POLE2: variants seen among roughly 807,000 people sequenced by gnomAD.
POLE2 encodes the protein DNA polymerase epsilon subunit 2.
POLE2 carries 56 observed loss-of-function variants against 79.4 expected under a neutral mutation model. That is an observed-to-expected ratio of 0.71 (90% confidence interval 0.57 to 0.88). POLE2 has a LOEUF of 0.88. Ranked by LOEUF, POLE2 falls within the 40% of genes least tolerant of loss-of-function variation. POLE2 has a pLI of 0.00. For synonymous variants in POLE2, 212 were observed against 214.0 expected (o/e 0.99, Z 0.08); for missense variants, 598 against 638.9 (o/e 0.94, Z 0.69).
In POLE2 at chr14:49,645,043, C is replaced by CAAAAAAAAAAAAAAAAAAAAAAA. The variant is rs527251561; in HGVS notation, c.1566-1374_1566-1373insTTTTTTTTTTTTTTTTTTTTTTT. ...GGCAACAGAGCAAAACTCCGTCTCA[C>CAAAAAAAAAAAAAAAAAAAAAAA]AAAAAAAAAAAAAAACACTGCAGTA... On this transcript the variant is annotated intron_variant, in intron 18 of 18. Transcript: ENST00000216367. Among the ~76,000 whole-genome samples, 12 of 88,296 alleles carry CAAAAAAAAAAAAAAAAAAAAAAA rather than the reference C, an allele frequency of 1.4e-4. 1 individual carries two copies. Among genetic ancestry groups the CAAAAAAAAAAAAAAAAAAAAAAA allele is most frequent in the Non-Finnish European group, 2.2e-4 (9 of 41,608 alleles). 57.9% of individuals were successfully genotyped at this position (88,296 alleles called of 152,430 possible).
chr14:49,664,387 C>T (rs1166620086), intron 9 of POLE2, among the ~76,000 whole-genome samples: 10 of 150,826 alleles, frequency 6.6e-5, no homozygotes, highest in Non-Finnish European at 1.3e-4. Context: ...GTGTGTAATT[C>T]GGTGATTTTT....
At chr14:49,654,363 G>C (rs1319039550) in intron 13 of POLE2, 149 bp from the exon 14 acceptor site, 1 of 634,166 alleles carries the variant, frequency 1.6e-6, no homozygotes, top group East Asian at 2.8e-5. Context: ...TAAGTCTCCA[G>C]ACCAACACTG....
intron 1 of POLE2, among the ~76,000 whole-genome samples, chr14:49,687,212 T>C (rs1001602859): frequency 4.0e-5 from 6 of 149,338 alleles, no homozygotes; most frequent in African/African-American, 1.5e-4. Flanking sequence ...CTGCAGTAAG[T>C]CAAGTTCGCA....
intron 2 of POLE2, among the ~76,000 whole-genome samples, chr14:49,682,725 A>G (rs1201242954): frequency 1.3e-5 from 2 of 148,708 alleles, no homozygotes; most frequent in Non-Finnish European, 3.0e-5. Context: ...TAGTGTATTC[A>G]TTATCAGTGC....
chr14:49,681,310 T>C, intron 2 of POLE2: 1 of 216,572 alleles, frequency 4.6e-6, no homozygotes. Flanking sequence ...ACAGTTTTAC[T>C]GACAGGTTGA....
At chr14:49,667,970 C>T (rs1885603852) in intron 6 of POLE2, among the ~76,000 whole-genome samples, 1 of 152,120 alleles carries the variant, frequency 6.6e-6, no homozygotes, top group Non-Finnish European at 1.5e-5. Flanking sequence ...TGGAGTTACT[C>T]TTAAAAAATA....
At position 49,683,474 on chromosome 14, in the gene POLE2, A is replaced by G. The variant is rs146441151; in HGVS notation, c.169+119T>C. 11 of 554,268 alleles carry G rather than the reference A, an allele frequency of 2.0e-5. 1 individual carries two copies. In the South Asian group the frequency reaches 3.1e-4, roughly 16 times the overall value. The allele number at this position is 554,268 out of a possible 1,614,324, so 34.3% of individuals were successfully genotyped here. On this transcript the variant is annotated intron_variant, in intron 2 of 18. Coordinates refer to ENST00000216367, the MANE Select transcript of POLE2 (RefSeq NM_002692.4). ...TGGGAAGAAATGCTACCATGCATAC[A>G]TCTTATAACACTGGGACATCTTAAT...
intron 10 of POLE2, among the ~76,000 whole-genome samples, chr14:49,659,904 C>T (rs1426144220): frequency 6.6e-6 from 1 of 152,110 alleles, no homozygotes; most frequent in Non-Finnish European, 1.5e-5. Flanking sequence ...TAATTTCTTA[C>T]TGAAGAAAGA....
intron 13 of POLE2, chr14:49,654,578 G>A (rs1233926684): frequency 1.8e-6 from 1 of 555,118 alleles, no homozygotes; most frequent in Non-Finnish European, 2.8e-6. Context: ...TCCAAGTATG[G>A]CTGAAATTAC....
chr14:49,658,407 A>C (rs1466960312), intron 10 of POLE2, among the ~76,000 whole-genome samples: 1 of 152,214 alleles, frequency 6.6e-6, no homozygotes, highest in African/African-American at 2.4e-5. Flanking sequence ...GGCTGAAACA[A>C]GAAGGCAGTA....
Position 49,679,933 on chromosome 14 carries a change from A to C in POLE2, c.170-133T>G, listed in dbSNP as rs937898243. On this transcript the variant is annotated intron_variant, in intron 2 of 18. Coordinates refer to ENST00000216367, the MANE Select transcript of POLE2 (RefSeq NM_002692.4). ...CTCATTATACAGTTTTTGGAGAAAAAAAGTGTTAGGTCAGAACAATAACAA... is the reference window on the plus strand; with the variant it reads ...CTCATTATACAGTTTTTGGAGAAAACAAGTGTTAGGTCAGAACAATAACAA... The C allele has an allele frequency of 2.8e-5, 17 of 602,528 alleles. No homozygotes were observed. The African/African-American group carries it at 3.0e-4, about 11-fold the overall frequency. The allele number at this position is 602,528 out of a possible 1,614,324, so 37.3% of individuals were successfully genotyped here.
chr14:49,672,127 G>C (rs1240754818), intron 5 of POLE2, among the ~76,000 whole-genome samples: 4 of 152,154 alleles, frequency 2.6e-5, no homozygotes, highest in African/African-American at 9.7e-5. Flanking sequence ...GAAAGAAACA[G>C]AAACAATAAT....
intron 17 of POLE2, among the ~76,000 whole-genome samples, chr14:49,648,132 A>G (rs986012317): frequency 6.6e-6 from 1 of 152,238 alleles, no homozygotes; most frequent in East Asian, 1.9e-4. Context: ...CTGTAAAGCA[A>G]CTGAGCAATA....
intron 10 of POLE2, among the ~76,000 whole-genome samples, chr14:49,657,360 G>A (rs551578660): frequency 2.0e-5 from 3 of 151,706 alleles, no homozygotes; most frequent in East Asian, 3.9e-4. Context: ...AATAGATATA[G>A]ACCTGTGCAT....
At chr14:49,656,073 C>T (rs1239618427) in intron 10 of POLE2, among the ~76,000 whole-genome samples, 1 of 151,906 alleles carries the variant, frequency 6.6e-6, no homozygotes, top group Non-Finnish European at 1.5e-5. Context: ...ACTGACTAAA[C>T]GGCCGGGCAC....
chr14:49,669,304 T>A (rs1885706558), intron 6 of POLE2, among the ~76,000 whole-genome samples: 1 of 152,198 alleles, frequency 6.6e-6, no homozygotes, highest in Non-Finnish European at 1.5e-5. Flanking sequence ...GCTAGCATCG[T>A]ATCAGGGCCT....
chr14:49,680,635 TAGAG>T (rs971494528), intron 2 of POLE2, among the ~76,000 whole-genome samples: 2 of 152,086 alleles, frequency 1.3e-5, no homozygotes, highest in African/African-American at 4.8e-5. Context: ...CTAGAAGAGA[TAGAG>T]AGCAACAAAA....
intron 6 of POLE2, among the ~76,000 whole-genome samples, chr14:49,668,223 T>TCGCACTACTG (rs1885626297): frequency 6.6e-6 from 1 of 151,722 alleles, no homozygotes; most frequent in African/African-American, 2.4e-5. Flanking sequence ...TGAGCCAAGA[T>TCGCACTACTG]CGCACTACTG....
Position 49,670,683 on chromosome 14 carries a change from T to C in POLE2, c.418-1085A>G, listed in dbSNP as rs528094171. Among the ~76,000 whole-genome samples, 9 of 152,364 alleles carry C rather than the reference T, an allele frequency of 5.9e-5. No individual in the cohort carries two copies. In the South Asian group the frequency reaches 1.2e-3, roughly 21 times the overall value. On this transcript the variant is annotated intron_variant, in intron 5 of 18. Coordinates refer to ENST00000216367, the MANE Select transcript of POLE2 (RefSeq NM_002692.4). Reference sequence around the variant, plus strand: ...TAGAGCTATTAGAAAAGAGGAACTCTCTTTCCAAGAGTTGCTAAGGCTACT... The same window carrying C: ...TAGAGCTATTAGAAAAGAGGAACTCCCTTTCCAAGAGTTGCTAAGGCTACT...
Sources: allele counts gnomAD v4.1 joint callset (sites outside exome capture counted in the v4.1 genomes callset), GRCh38; gene constraint gnomAD v4.1.1; transcripts MANE v1.5; gene names NCBI Gene and HGNC (gene_info 2026-07-23, HGNC 2026-07-21).